Variants in OR3A2 observed in about 807,000 individuals in gnomAD.
OR3A2 encodes the protein olfactory receptor family 3 subfamily A member 2, also known as olfactory receptor 3A2.
For missense variants in OR3A2, 318 were observed against 392.8 expected (o/e 0.81, Z 1.61); for synonymous variants, 126 against 159.3 (o/e 0.79, Z 1.57).
intron 3 of OR3A2, among the ~76,000 whole-genome samples, chr17:3,320,413 T>C (rs1023627437): frequency 5.6e-5 from 8 of 143,356 alleles, no homozygotes; most frequent in East Asian, 4.0e-4. Context: ...TTGTCTTTTG[T>C]TGCCATTGCT....
intron 3 of OR3A2, among the ~76,000 whole-genome samples, chr17:3,292,909 C>T (rs993367059): frequency 6.6e-6 from 1 of 151,970 alleles, no homozygotes; most frequent in Non-Finnish European, 1.5e-5. Flanking sequence ...AAAAAGTGTA[C>T]TTCTGGTTTG....
At chr17:3,281,296 C>G (rs1037973979) in intron 1 of OR3A2, among the ~76,000 whole-genome samples, 1 of 150,622 alleles carries the variant, frequency 6.6e-6, no homozygotes, top group Non-Finnish European at 1.5e-5. Context: ...TGCAGTGGCA[C>G]GATCTCGGCT....
At chr17:3,382,964 A>G (rs574319916) in intron 2 of OR3A2, among the ~76,000 whole-genome samples, 3 of 152,210 alleles carry the variant, frequency 2.0e-5, no homozygotes, top group Non-Finnish European at 4.4e-5. Context: ...CACTCAATAA[A>G]GGGGCATGAA....
chr17:3,278,201 C>A lies in OR3A2; in HGVS notation c.717G>T (p.Lys239Asn). ...GGTGGGAGCCACACGTGGAGAAGGCCTTCTTTCGGCCCTCCACTGAACGGA... is the reference window on the plus strand; with the variant it reads ...GGTGGGAGCCACACGTGGAGAAGGCATTCTTTCGGCCCTCCACTGAACGGA... Residue 239 changes from lysine (K) to asparagine (N), a missense_variant, in exon 2 of 2, where the codon AAG (lysine) becomes AAT (asparagine). Physicochemically the swap from Lys to Asn is moderately conservative, Grantham distance 94. Transcript: ENST00000642052. The A allele has an allele frequency of 3.1e-6, 5 of 1,614,210 alleles. No individual in the cohort carries two copies. The South Asian group carries it at 5.5e-5, about 18-fold the overall frequency.
chr17:3,353,599 A>G (rs1318741771), intron 2 of OR3A2, among the ~76,000 whole-genome samples: 2 of 151,702 alleles, frequency 1.3e-5, no homozygotes, highest in Non-Finnish European at 3.0e-5. Context: ...TTATCAAATG[A>G]TTTTTCAGCA....
intron 2 of OR3A2, among the ~76,000 whole-genome samples, chr17:3,338,720 G>C (rs1287784030): frequency 6.6e-6 from 1 of 152,166 alleles, no homozygotes; most frequent in Non-Finnish European, 1.5e-5. Flanking sequence ...TTCCAGGTTT[G>C]TTCCTTTTGC....
chr17:3,367,601 G>GTATATATA (rs553464584), intron 2 of OR3A2, among the ~76,000 whole-genome samples: 9,765 of 122,306 alleles, frequency 0.08, 739 homozygotes, highest in Middle Eastern at 0.13. Flanking sequence ...GTGTGTGTGT[G>GTATATATA]TATATATATA....
At chr17:3,331,873 T>C (rs1374793866) in intron 3 of OR3A2, among the ~76,000 whole-genome samples, 1 of 150,822 alleles carries the variant, frequency 6.6e-6, no homozygotes, top group Non-Finnish European at 1.5e-5. Flanking sequence ...TTGATGATGG[T>C]GATGTACAGA....
At chr17:3,365,578 G>T (rs13341077) in intron 2 of OR3A2, among the ~76,000 whole-genome samples, 1,958 of 152,208 alleles carry the variant, frequency 0.013, 29 homozygotes, top group African/African-American at 0.043. Flanking sequence ...GTGCTCATAT[G>T]GTCACAGTGA....
At chr17:3,382,768 A>C (rs763818370) in intron 2 of OR3A2, among the ~76,000 whole-genome samples, 39 of 152,270 alleles carry the variant, frequency 2.6e-4, no homozygotes, top group Non-Finnish European at 4.1e-4. Context: ...CATTCTTCCA[A>C]AATCAGCTCG....
chr17:3,332,290 G>A (rs2049242312), intron 3 of OR3A2, among the ~76,000 whole-genome samples: 2 of 152,362 alleles, frequency 1.3e-5, no homozygotes, highest in South Asian at 4.1e-4. Flanking sequence ...CTGGGCAATG[G>A]CGGGCGCCCC....
intron 3 of OR3A2, chr17:3,292,370 C>T (rs1348703138): frequency 5.6e-6 from 9 of 1,614,124 alleles, no homozygotes; most frequent in Non-Finnish European, 6.8e-6. Context: ...CAACATCCAG[C>T]ACTGATAGGT....
At chr17:3,352,363 G>C (rs1369873598) in intron 2 of OR3A2, among the ~76,000 whole-genome samples, 1 of 151,608 alleles carries the variant, frequency 6.6e-6, no homozygotes, top group Non-Finnish European at 1.5e-5. Flanking sequence ...CCAATGTTTT[G>C]TTTTAGTAGT....
At chr17:3,318,338 TAG>T (rs1239417770) in intron 3 of OR3A2, among the ~76,000 whole-genome samples, 2 of 152,158 alleles carry the variant, frequency 1.3e-5, no homozygotes, top group African/African-American at 4.8e-5. Context: ...ACTGGGACCT[TAG>T]AGAGTGGAAG....
intron 2 of OR3A2, among the ~76,000 whole-genome samples, chr17:3,375,101 C>A (rs969217932): frequency 4.5e-5 from 5 of 110,304 alleles, no homozygotes; most frequent in Non-Finnish European, 7.4e-5. Flanking sequence ...AATAGTCAAC[C>A]TTCTGAATTC....
At chr17:3,325,203 ATTT>A (rs61124691) in intron 3 of OR3A2, among the ~76,000 whole-genome samples, 4,475 of 108,456 alleles carry the variant, frequency 0.041, 99 homozygotes, top group African/African-American at 0.11. Flanking sequence ...GATCCTTCCA[ATTT>A]TTTTTTTTTT....
chr17:3,304,210 T>A (rs1347736700), intron 3 of OR3A2, among the ~76,000 whole-genome samples: 1 of 152,080 alleles, frequency 6.6e-6, no homozygotes, highest in Admixed American at 6.6e-5. Flanking sequence ...TACTGCCTTA[T>A]AGTGTTTTTC....
intron 2 of OR3A2, among the ~76,000 whole-genome samples, chr17:3,342,881 C>G (rs1395989666): frequency 1.3e-5 from 2 of 152,230 alleles, no homozygotes; most frequent in Non-Finnish European, 2.9e-5. Context: ...ATGCCCTGCC[C>G]CCAGAGGTGG....
intron 2 of OR3A2, among the ~76,000 whole-genome samples, chr17:3,354,134 A>AGCT (rs1567565502): frequency 6.6e-6 from 1 of 151,780 alleles, no homozygotes; most frequent in East Asian, 1.9e-4. Context: ...ACTGGCCTGT[A>AGCT]GTTGTTGTTG....
Sources: gnomAD v4.1 joint callset for allele counts (sites outside exome capture counted in the v4.1 genomes callset) on GRCh38, gnomAD v4.1.1 for gene constraint, MANE v1.5 for transcripts, NCBI Gene and HGNC (gene_info 2026-07-23, HGNC 2026-07-21) for gene names.